RORA: variants seen among roughly 807,000 people sequenced by gnomAD.
RORA encodes the protein RAR related orphan receptor A.
A neutral mutation model predicts 69.5 loss-of-function variants in RORA; 7 were observed. The observed-to-expected ratio is 0.10, with a 90% confidence interval of 0.06 to 0.19. RORA has a LOEUF of 0.19. Ranked by LOEUF, RORA falls within the 10% of genes least tolerant of loss-of-function variation. The probability of loss-of-function intolerance (pLI) is 1.00; values close to 1 mark genes in which losing one functional copy is unlikely to be tolerated. For missense variants in RORA, 457 were observed against 663.0 expected, an observed-to-expected ratio of 0.69 and a Z score of 3.41; for synonymous variants, 261 against 240.8, an observed-to-expected ratio of 1.08 and a Z score of -0.78.
intron 1 of RORA, among the ~76,000 whole-genome samples, chr15:61,180,335 T>G (rs1271833410): frequency 6.6e-6 from 1 of 152,138 alleles, no homozygotes; most frequent in East Asian, 1.9e-4. Context: ...AGAAATAATA[T>G]CTTCTACGAA....
At chr15:60,499,443 CAGGAGGATCTTTTG>C (rs1298291970) in intron 10 of RORA, among the ~76,000 whole-genome samples, 1 of 152,164 alleles carries the variant, frequency 6.6e-6, no homozygotes, top group Non-Finnish European at 1.5e-5. Context: ...GAGGCTGAGA[CAGGAGGATCTTTTG>C]AGCCCAGAAG....
At chr15:60,857,520 C>T (rs774265244) in intron 1 of RORA, among the ~76,000 whole-genome samples, 3 of 151,992 alleles carry the variant, frequency 2.0e-5, no homozygotes, top group Admixed American at 6.6e-5. Context: ...TGTTGCTTTC[C>T]GGGTATTTGT....
At chr15:60,529,561 G>C (rs2066468143) in intron 3 of RORA, 1 of 152,196 alleles carries the variant, frequency 6.6e-6, no homozygotes, top group South Asian at 2.1e-4. Flanking sequence ...CAGAGGAACA[G>C]AGCCACAGAT....
intron 1 of RORA, among the ~76,000 whole-genome samples, chr15:61,127,026 C>A (rs955233612): frequency 6.6e-6 from 1 of 152,168 alleles, no homozygotes; most frequent in Non-Finnish European, 1.5e-5. Context: ...AACTGAAACA[C>A]ACACACACTA....
At chr15:61,111,689 C>G (rs936096526) in intron 1 of RORA, among the ~76,000 whole-genome samples, 7 of 150,258 alleles carry the variant, frequency 4.7e-5, no homozygotes, top group African/African-American at 1.7e-4. Flanking sequence ...AACCTTATCT[C>G]CATTTAGCTA....
intron 1 of RORA, among the ~76,000 whole-genome samples, chr15:60,711,164 C>A (rs1305620429): frequency 6.6e-6 from 1 of 152,150 alleles, no homozygotes; most frequent in Non-Finnish European, 1.5e-5. Flanking sequence ...TCACTCCTGT[C>A]CCTGCTTTGA....
intron 1 of RORA, among the ~76,000 whole-genome samples, chr15:61,123,292 G>C (rs940568304): frequency 1.8e-4 from 28 of 152,196 alleles, no homozygotes; most frequent in African/African-American, 6.3e-4. Context: ...AATGAGGCGA[G>C]GGGGGAGCAG....
intron 1 of RORA, among the ~76,000 whole-genome samples, chr15:60,969,129 G>A (rs908594905): frequency 6.6e-6 from 1 of 152,152 alleles, no homozygotes; most frequent in African/African-American, 2.4e-5. Flanking sequence ...GTTTCTGTGT[G>A]TCCCATTACT....
At chr15:61,006,324 T>C (rs1214513775) in intron 1 of RORA, among the ~76,000 whole-genome samples, 1 of 152,166 alleles carries the variant, frequency 6.6e-6, no homozygotes, top group Non-Finnish European at 1.5e-5. Context: ...ACAGTGACCA[T>C]GTATTTCTTT....
At chr15:60,722,821 T>C (rs2071310770) in intron 1 of RORA, among the ~76,000 whole-genome samples, 1 of 152,184 alleles carries the variant, frequency 6.6e-6, no homozygotes, top group African/African-American at 2.4e-5. Flanking sequence ...TAACACAAGA[T>C]GTGAAGACCC....
intron 2 of RORA, among the ~76,000 whole-genome samples, chr15:60,621,774 G>A (rs1462446283): frequency 2.0e-5 from 3 of 151,998 alleles, no homozygotes; most frequent in African/African-American, 4.8e-5. Flanking sequence ...GGGGCCGGGC[G>A]CAGTAACTCA....
intron 1 of RORA, among the ~76,000 whole-genome samples, chr15:61,072,435 T>A (rs2078380902): frequency 2.6e-5 from 4 of 152,164 alleles, no homozygotes; most frequent in Admixed American, 1.3e-4. Context: ...CCAAACTACT[T>A]CAAGAATCAC....
intron 1 of RORA, among the ~76,000 whole-genome samples, chr15:60,948,195 G>GAA (rs1892959836): frequency 6.6e-6 from 1 of 151,732 alleles, no homozygotes; most frequent in Non-Finnish European, 1.5e-5. Context: ...GGATGGATGG[G>GAA]GACAAAACTA....
intron 2 of RORA, among the ~76,000 whole-genome samples, chr15:60,675,427 C>T (rs1479255410): frequency 6.6e-6 from 1 of 152,184 alleles, no homozygotes. Context: ...TATGTTTGCA[C>T]ACCAAAAACC....
At chr15:60,615,121 A>ACC in intron 2 of RORA, 1 of 1,497,824 alleles carries the variant, frequency 6.7e-7, no homozygotes, top group South Asian at 1.2e-5. Flanking sequence ...ATCCACAGCC[A>ACC]CCCAAGTCCT....
At chr15:60,705,127 GA>G (rs11425134) in intron 1 of RORA, among the ~76,000 whole-genome samples, 6 of 147,348 alleles carry the variant, frequency 4.1e-5, no homozygotes, top group African/African-American at 9.9e-5. Context: ...TTTTGTGCCA[GA>G]AAAAAAAAAA....
chr15:60,898,197 G>A (rs1326107432), intron 1 of RORA, among the ~76,000 whole-genome samples: 1 of 152,204 alleles, frequency 6.6e-6, no homozygotes, highest in South Asian at 2.1e-4. Flanking sequence ...CTGCATATCA[G>A]TAAATGACAG....
chr15:61,029,294 C>T (rs1303121048), intron 1 of RORA, among the ~76,000 whole-genome samples: 2 of 151,980 alleles, frequency 1.3e-5, no homozygotes, highest in Admixed American at 6.5e-5. Flanking sequence ...ATGACGAGCA[C>T]CATTGGAAAG....
At chr15:60,697,781 A>T (rs936558988) in intron 1 of RORA, among the ~76,000 whole-genome samples, 2 of 152,174 alleles carry the variant, frequency 1.3e-5, no homozygotes, top group African/African-American at 4.8e-5. Context: ...GTTATTTCAA[A>T]ATCCAGTGCT....
Sources: gnomAD v4.1 joint callset for allele counts (sites outside exome capture counted in the v4.1 genomes callset) on GRCh38, gnomAD v4.1.1 for gene constraint, MANE v1.5 for transcripts, NCBI Gene and HGNC (gene_info 2026-07-23, HGNC 2026-07-21) for gene names.